SH3PXD2B: variants seen among roughly 807,000 people sequenced by gnomAD.
The protein encoded by SH3PXD2B is SH3 and PX domain-containing protein 2B.
SH3PXD2B carries 37 observed loss-of-function variants against 73.1 expected under a neutral mutation model. The ratio of observed to expected loss-of-function variants is 0.51; its 90% CI spans 0.39 to 0.67. SH3PXD2B has a LOEUF of 0.67. SH3PXD2B is among the 30% of genes least tolerant of loss of function. The pLI is 0.00. For synonymous variants in SH3PXD2B, 457 were observed against 480.5 expected (o/e 0.95, Z 0.64); for missense variants, 1,053 against 1,197.8 (o/e 0.88, Z 1.78).
chr5:172,332,635 T>C (rs1756581406), downstream of SH3PXD2B, among the ~76,000 whole-genome samples: 1 of 151,924 alleles, frequency 6.6e-6, no homozygotes, highest in South Asian at 2.1e-4. Context: ...TGCAAGAAGG[T>C]TGTTATATTG....
chr5:172,444,434 G>C (rs183267236), intron 1 of SH3PXD2B, among the ~76,000 whole-genome samples: 1 of 152,260 alleles, frequency 6.6e-6, no homozygotes, highest in East Asian at 1.9e-4. Flanking sequence ...CCAGAATCCT[G>C]ACTAATACTC....
At chr5:172,326,945 G>A (rs889453074) in intron 12 of SH3PXD2B, among the ~76,000 whole-genome samples, 3 of 149,134 alleles carry the variant, frequency 2.0e-5, no homozygotes, top group South Asian at 2.1e-4. Context: ...CAACCTCTGC[G>A]TCCTGGGTTC....
intron 1 of SH3PXD2B, among the ~76,000 whole-genome samples, chr5:172,424,586 G>A (rs1245173415): frequency 6.6e-6 from 1 of 152,204 alleles, no homozygotes; most frequent in Non-Finnish European, 1.5e-5. Flanking sequence ...GAGAAGAGAC[G>A]AAAAATGTTA....
At chr5:172,348,687 CTATCTATCTATCTATCTATCTATT>C (rs1462070390) in intron 10 of SH3PXD2B, among the ~76,000 whole-genome samples, 1,347 of 44,490 alleles carry the variant, frequency 0.03, 20 homozygotes, top group Admixed American at 0.043. Context: ...ATCTATCTAT[CTATCTATCTATCTATCTATCTATT>C]TATTTATTTT....
At chr5:172,447,521 C>T (rs531129843) in intron 1 of SH3PXD2B, among the ~76,000 whole-genome samples, 1 of 152,324 alleles carries the variant, frequency 6.6e-6, no homozygotes, top group Non-Finnish European at 1.5e-5. Flanking sequence ...ACCTCAATTA[C>T]ATGCTAGGCC....
chr5:172,448,281 C>T (rs1182779690), intron 1 of SH3PXD2B, among the ~76,000 whole-genome samples: 5 of 152,230 alleles, frequency 3.3e-5, no homozygotes, highest in East Asian at 1.9e-4. Flanking sequence ...GGCCGGAAAG[C>T]GGTGCAGAAA....
Position 172,337,879 on chromosome 5 carries a change from T to G in SH3PXD2B, c.*490A>C. On this transcript the variant is annotated 3_prime_UTR_variant, in exon 13 of 13. Transcript: ENST00000311601. ...TTCTTCAGGATGAAGTTCCTTCTGG[T>G]AGCAGGCAATTTAGGAGGAGTGAAT... 1 of 1,008,910 alleles carries G rather than the reference T, an allele frequency of 9.9e-7. No homozygotes were observed. Among genetic ancestry groups the G allele is most frequent in the Non-Finnish European group, 1.2e-6 (1 of 843,458 alleles). 62.5% of individuals were successfully genotyped at this position (1,008,910 alleles called of 1,614,324 possible). A position where few individuals can be genotyped will look rare whatever the true frequency, so the allele number is the denominator to read the frequency against.
rs1392459559 is a variant in SH3PXD2B, at chr5:172,421,695, G to A, written c.156+721C>T. Among the ~76,000 whole-genome samples, 1 of 152,222 alleles carries A rather than the reference G, an allele frequency of 6.6e-6. No homozygotes were observed. Among genetic ancestry groups the A allele is most frequent in the South Asian group, 2.1e-4 (1 of 4,838 alleles). ...GAGTGAGCCGGGAAGGCACAGGAGTGTGTGGGGAGGGCAAAGGCCTGTGGA... is the reference window on the plus strand; with the variant it reads ...GAGTGAGCCGGGAAGGCACAGGAGTATGTGGGGAGGGCAAAGGCCTGTGGA... On this transcript the variant is annotated intron_variant, in intron 2 of 12. Transcript: ENST00000311601. This position sits in a 1 kb window ranked among gnomAD's most constrained non-coding sequence, Gnocchi z 4.0.
At chr5:172,410,199 A>G (rs988094064) in intron 2 of SH3PXD2B, among the ~76,000 whole-genome samples, 6 of 152,202 alleles carry the variant, frequency 3.9e-5, no homozygotes, top group Non-Finnish European at 5.9e-5. Flanking sequence ...TTCTCTTTGC[A>G]GTGTTTTGAG....
Position 172,339,633 on chromosome 5 carries a change from C to T in SH3PXD2B, c.1472G>A (p.Ser491Asn), listed in dbSNP as rs886060422. The T allele has an allele frequency of 6.2e-6, 10 of 1,614,128 alleles. No homozygotes were observed. Among genetic ancestry groups the T allele is most frequent in the South Asian group, 1.1e-5 (1 of 91,092 alleles). The change falls in exon 13 of 13, where the codon AGT becomes AAT. Residue 491 changes from serine (S) to asparagine (N), a missense_variant. By Grantham distance (46) the Ser-to-Asn change is conservative (BLOSUM62 1). Coordinates refer to ENST00000311601, the MANE Select transcript of SH3PXD2B (RefSeq NM_001017995.3). This position sits in a 1 kb window ranked among gnomAD's most constrained non-coding sequence, Gnocchi z 6.1. The part of the protein sequence containing the change: ...GLPWSKDWKG[S>N]KDVLRKASSD... ...AGATGCCTTCCTCAGGACATCCTTACTGCCCTTCCAGTCTTTAGACCATGG... is the reference window on the plus strand; with the variant it reads ...AGATGCCTTCCTCAGGACATCCTTATTGCCCTTCCAGTCTTTAGACCATGG...
At chr5:172,340,982 G>A (rs913992530) in intron 12 of SH3PXD2B, among the ~76,000 whole-genome samples, 2 of 152,220 alleles carry the variant, frequency 1.3e-5, no homozygotes, top group Admixed American at 6.5e-5. Context: ...AGCTGGTGGA[G>A]TAGAGTAGAT....
chr5:172,409,554 G>A (rs909349048), intron 2 of SH3PXD2B, among the ~76,000 whole-genome samples: 4 of 151,860 alleles, frequency 2.6e-5, no homozygotes, highest in Non-Finnish European at 2.9e-5. Context: ...AACTTTTTTA[G>A]CTTCCACATG....
At chr5:172,433,293 G>T (rs1195499785) in intron 1 of SH3PXD2B, among the ~76,000 whole-genome samples, 2 of 152,140 alleles carry the variant, frequency 1.3e-5, no homozygotes, top group African/African-American at 4.8e-5. Flanking sequence ...TTCACGTGAT[G>T]AAACTGCCTA....
At chr5:172,346,615 T>C (rs1581264104) in intron 11 of SH3PXD2B, among the ~76,000 whole-genome samples, 1 of 152,288 alleles carries the variant, frequency 6.6e-6, no homozygotes, top group East Asian at 1.9e-4. Context: ...GGGAGTGTCC[T>C]TGGGCAAATC....
At chr5:172,332,937 T>G (rs1215709492), downstream of SH3PXD2B, among the ~76,000 whole-genome samples, 2 of 17,102 alleles carry the variant, frequency 1.2e-4, no homozygotes, top group East Asian at 3.3e-3. Context: ...CCGCACAATG[T>G]TTTTTTTTTT....
chr5:172,348,750 A>G (rs1189235482), intron 10 of SH3PXD2B, among the ~76,000 whole-genome samples: 1 of 151,896 alleles, frequency 6.6e-6, no homozygotes, highest in East Asian at 1.9e-4. Context: ...TCTATTGCCC[A>G]GGCTGGAATG....
intron 1 of SH3PXD2B, 38 bp downstream of exon 1, chr5:172,454,240 G>T: frequency 1.3e-6 from 2 of 1,568,842 alleles, no homozygotes; most frequent in Non-Finnish European, 1.7e-6. Flanking sequence ...CCGACGGGGC[G>T]CGGGCTCAAG....
At chr5:172,408,686 C>G (rs1758620912) in intron 2 of SH3PXD2B, among the ~76,000 whole-genome samples, 1 of 151,588 alleles carries the variant, frequency 6.6e-6, no homozygotes, top group African/African-American at 2.4e-5. Context: ...TTACAGGCGC[C>G]TGCCTAACTT....
At chr5:172,359,184 C>A (rs1396986090) in intron 7 of SH3PXD2B, among the ~76,000 whole-genome samples, 1 of 151,886 alleles carries the variant, frequency 6.6e-6, no homozygotes, top group African/African-American at 2.4e-5. Context: ...TTCAGGAGTT[C>A]AAGACCAGCT....
Sources: gnomAD v4.1 joint callset for allele counts (sites outside exome capture counted in the v4.1 genomes callset) on GRCh38, gnomAD v4.1.1 for gene constraint, Gnocchi (gnomAD v3.1) non-coding constraint, MANE v1.5 for transcripts, NCBI Gene and HGNC (gene_info 2026-07-23, HGNC 2026-07-21) for gene names.